The following PTPRD variants were observed in gnomAD, a reference collection of about 807,000 sequenced individuals.
PTPRD encodes protein tyrosine phosphatase receptor type D, also known as receptor-type tyrosine-protein phosphatase delta.
PTPRD carries 34 observed loss-of-function variants against 214.5 expected under a neutral mutation model. The observed-to-expected ratio is 0.16, with a 90% confidence interval of 0.12 to 0.21. The LOEUF is 0.21. Among genes scored for constraint, PTPRD ranks in the 10% least tolerant of loss-of-function variants. PTPRD has a pLI of 1.00. For synonymous variants in PTPRD, 1,128 were observed against 845.7 expected (o/e 1.33, Z -5.79); for missense variants, 2,545 against 2,398.7 (o/e 1.06, Z -1.27).
chr9:8,700,074 G>A (rs1410514273), intron 12 of PTPRD, among the ~76,000 whole-genome samples: 3 of 152,058 alleles, frequency 2.0e-5, no homozygotes, highest in South Asian at 4.2e-4. Flanking sequence ...GTAATCAATG[G>A]TTTTTTAAAT....
chr9:8,669,465 G>A (rs1437483887), intron 12 of PTPRD, among the ~76,000 whole-genome samples: 1 of 152,072 alleles, frequency 6.6e-6, no homozygotes, highest in Non-Finnish European at 1.5e-5. Flanking sequence ...AGAAGGATGT[G>A]GGAAATCCCA....
chr9:9,613,383 C>A (rs1593047242), intron 7 of PTPRD, among the ~76,000 whole-genome samples: 1 of 151,816 alleles, frequency 6.6e-6, no homozygotes. Context: ...GGCTTGAGTT[C>A]TAATGATAAT....
At chr9:8,382,066 C>G (rs2085274020) in intron 37 of PTPRD, among the ~76,000 whole-genome samples, 1 of 152,170 alleles carries the variant, frequency 6.6e-6, no homozygotes, top group Admixed American at 6.5e-5. Flanking sequence ...CCTTGGTCTG[C>G]CCAGCAGTTG....
chr9:8,386,969 A>C (rs1470843352), intron 37 of PTPRD, among the ~76,000 whole-genome samples: 1 of 152,124 alleles, frequency 6.6e-6, no homozygotes, highest in Non-Finnish European at 1.5e-5. Context: ...AGAACAAAGG[A>C]CTTTTGGGCC....
At chr9:10,599,087 T>C (rs578079300) in intron 2 of PTPRD, among the ~76,000 whole-genome samples, 2 of 151,786 alleles carry the variant, frequency 1.3e-5, no homozygotes, top group South Asian at 4.1e-4. Flanking sequence ...GAAATTGCTT[T>C]GTGCGGCGAA....
At chr9:8,902,119 G>A (rs549330340) in intron 11 of PTPRD, among the ~76,000 whole-genome samples, 28 of 145,488 alleles carry the variant, frequency 1.9e-4, no homozygotes, top group African/African-American at 5.7e-4. Context: ...CATATACTAT[G>A]CACATATTGA....
At chr9:10,269,327 A>G (rs904228429) in intron 3 of PTPRD, among the ~76,000 whole-genome samples, 1 of 152,200 alleles carries the variant, frequency 6.6e-6, no homozygotes, top group Non-Finnish European at 1.5e-5. Context: ...GGTGCTACAT[A>G]CTTAGCTGAT....
chr9:9,513,369 G>A (rs1466474093), intron 8 of PTPRD, among the ~76,000 whole-genome samples: 1 of 151,830 alleles, frequency 6.6e-6, no homozygotes, highest in Non-Finnish European at 1.5e-5. Flanking sequence ...TTTCCTATGT[G>A]TTATGACTTG....
At chr9:8,838,353 T>C (rs964159478) in intron 11 of PTPRD, among the ~76,000 whole-genome samples, 7 of 152,080 alleles carry the variant, frequency 4.6e-5, no homozygotes, top group South Asian at 2.1e-4. Context: ...ATTTAGAACC[T>C]TGCCTTATAC....
At chr9:8,894,402 A>G (rs2098585714) in intron 11 of PTPRD, among the ~76,000 whole-genome samples, 1 of 151,282 alleles carries the variant, frequency 6.6e-6, no homozygotes, top group Non-Finnish European at 1.5e-5. Context: ...GACTGTATGG[A>G]TAAACCTTGC....
intron 11 of PTPRD, among the ~76,000 whole-genome samples, chr9:8,987,274 G>T (rs899580537): frequency 2.0e-5 from 3 of 152,020 alleles, no homozygotes; most frequent in African/African-American, 7.2e-5. Context: ...TGAGTGTGTG[G>T]GTGGGTATGT....
chr9:9,242,292 T>C (rs572937125), intron 9 of PTPRD, among the ~76,000 whole-genome samples: 1 of 152,280 alleles, frequency 6.6e-6, no homozygotes, highest in East Asian at 1.9e-4. Flanking sequence ...TTCCTTCATG[T>C]CAACTTTGGT....
intron 31 of PTPRD, among the ~76,000 whole-genome samples, chr9:8,468,395 A>C (rs2096585624): frequency 6.6e-6 from 1 of 152,014 alleles, no homozygotes; most frequent in South Asian, 2.1e-4. Flanking sequence ...GCTCTGAATT[A>C]AATATCACTA....
chr9:10,311,386 CT>C (rs1161511843), intron 3 of PTPRD, among the ~76,000 whole-genome samples: 1 of 152,012 alleles, frequency 6.6e-6, no homozygotes, highest in East Asian at 1.9e-4. Context: ...GCAATCTCTT[CT>C]GAGAATCTAA....
At chr9:10,316,543 G>C (rs769110909) in intron 3 of PTPRD, among the ~76,000 whole-genome samples, 3 of 152,008 alleles carry the variant, frequency 2.0e-5, no homozygotes, top group Admixed American at 2.0e-4. Flanking sequence ...GTCTATATTT[G>C]CATTTTTGAA....
rs997744433 is a variant in PTPRD at position 9,080,117 on chromosome 9, G to A, written c.-142-61382C>T. On this transcript the variant is annotated intron_variant, in intron 10 of 45. Coordinates refer to ENST00000381196, the MANE Select transcript of PTPRD (RefSeq NM_002839.4). ...TATTGTCTATTGAGCATCTATCACT[G>A]TACTAGATCCCTGAATGCATTATAT... is the stretch of plus-strand genomic sequence containing the variant. 3.9e-5 allele frequency among the ~76,000 whole-genome samples: 6 copies of A among 151,938 alleles called. No homozygotes were observed. In the East Asian group the frequency reaches 1.2e-3, roughly 30 times the overall value.
At chr9:9,726,360 A>G (rs1032092910) in intron 7 of PTPRD, among the ~76,000 whole-genome samples, 16 of 152,176 alleles carry the variant, frequency 1.1e-4, no homozygotes, top group Admixed American at 2.6e-4. Flanking sequence ...AAATGAAGAT[A>G]AAGTGGGATT....
chr9:8,893,909 T>C (rs1364245781), intron 11 of PTPRD, among the ~76,000 whole-genome samples: 1 of 151,668 alleles, frequency 6.6e-6, no homozygotes, highest in Non-Finnish European at 1.5e-5. Flanking sequence ...AACAATTTTA[T>C]ATATCATTAA....
At chr9:8,924,154 C>A (rs954082543) in intron 11 of PTPRD, among the ~76,000 whole-genome samples, 6 of 152,178 alleles carry the variant, frequency 3.9e-5, no homozygotes, top group Admixed American at 3.9e-4. Context: ...CTCATCACAC[C>A]TATGATTCAG....
Sources: gnomAD v4.1 joint callset for allele counts (sites outside exome capture counted in the v4.1 genomes callset) on GRCh38, gnomAD v4.1.1 for gene constraint, MANE v1.5 for transcripts, NCBI Gene and HGNC (gene_info 2026-07-23, HGNC 2026-07-21) for gene names.